The following GATA4 variants were observed in gnomAD, a reference collection of about 807,000 sequenced individuals.
The protein encoded by GATA4 is transcription factor GATA-4.
A neutral mutation model predicts 37.9 loss-of-function variants in GATA4; 7 were observed. That is an observed-to-expected ratio of 0.18 (90% CI 0.11 to 0.35). The LOEUF (loss-of-function observed/expected upper bound fraction) is 0.35, where lower values mean the gene tolerates loss of function less well. Among genes scored for constraint, GATA4 ranks in the 10% least tolerant of loss-of-function variants. GATA4 has a pLI of 1.00. For missense variants in GATA4, 647 were observed against 653.0 expected (o/e 0.99, Z 0.10); for synonymous variants, 372 against 292.6 (o/e 1.27, Z -2.77).
chr8:11,738,096 G>T (rs981304514), intron 2 of GATA4, among the ~76,000 whole-genome samples: 2 of 150,908 alleles, frequency 1.3e-5, no homozygotes, highest in Admixed American at 6.6e-5. Flanking sequence ...CAGGAGAATT[G>T]CTTGAGCCTG....
In GATA4 at chr8:11,739,731, A is replaced by AGAGCTTCTGTCGTGTGCG. The variant is rs1048215096; in HGVS notation, c.617-9163_617-9146dup. On this transcript the variant is annotated intron_variant, in intron 2 of 6. Transcript: ENST00000532059. The stretch of plus-strand genomic sequence containing the variant: ...GTTGAAACTCGATGGCTCTGTGTGC[A>AGAGCTTCTGTCGTGTGCG]GAGCTTCTGTCGTGTGCGGAGCTTC... 1.0e-4 allele frequency among the ~76,000 whole-genome samples: 13 copies of AGAGCTTCTGTCGTGTGCG among 127,670 alleles called. No individual in the cohort carries two copies. In the East Asian group the frequency reaches 6.4e-3, roughly 63 times the overall value. 83.8% of individuals were successfully genotyped at this position (127,670 alleles called of 152,430 possible).
intron 1 of GATA4, chr8:11,677,107 A>T (rs1798809814): frequency 6.6e-6 from 1 of 151,888 alleles, no homozygotes; most frequent in Non-Finnish European, 1.5e-5. Context: ...CTGCCGTGGG[A>T]GGCTGGGATG....
intron 1 of GATA4, among the ~76,000 whole-genome samples, chr8:11,677,764 A>C (rs1367594129): frequency 6.6e-6 from 1 of 152,064 alleles, no homozygotes; most frequent in Non-Finnish European, 1.5e-5. Context: ...TATAGGGTTT[A>C]ATTTCCGATT....
upstream of GATA4, among the ~76,000 whole-genome samples, chr8:11,690,250 C>T (rs983556454): frequency 3.3e-5 from 5 of 152,254 alleles, no homozygotes; most frequent in African/African-American, 1.2e-4. Flanking sequence ...GTCTCAGCCA[C>T]AGCCCTGATA....
At chr8:11,757,614 C>T (rs973958002) in intron 6 of GATA4, among the ~76,000 whole-genome samples, 2 of 152,192 alleles carry the variant, frequency 1.3e-5, no homozygotes, top group African/African-American at 4.8e-5. Context: ...CTGGATCCTG[C>T]AGAGGGCAGG....
upstream of GATA4, chr8:11,691,971 T>C: frequency 1.0e-6 from 1 of 976,396 alleles, no homozygotes; most frequent in Non-Finnish European, 1.2e-6. Flanking sequence ...TTGCTTACAA[T>C]GTTGACTTTC....
chr8:11,681,254 G>C, intron 1 of GATA4: 4 of 985,374 alleles, frequency 4.1e-6, no homozygotes, highest in Non-Finnish European at 3.6e-6. Context: ...GCTCGTCTGG[G>C]AGCGACTGGA....
At chr8:11,681,508 G>A (rs1375990189) in intron 1 of GATA4, 6 of 934,064 alleles carry the variant, frequency 6.4e-6, no homozygotes, top group Middle Eastern at 1.1e-3. Flanking sequence ...GGGGGGGGGG[G>A]ATGGGGTCGG....
At chr8:11,701,154 TA>T (rs1270342223), upstream of GATA4, among the ~76,000 whole-genome samples, 2 of 151,692 alleles carry the variant, frequency 1.3e-5, no homozygotes, top group African/African-American at 2.4e-5. Flanking sequence ...GCCTTGGAGA[TA>T]TTTTTTAAAA....
chr8:11,687,169 C>T (rs1037369192), intron 1 of GATA4, among the ~76,000 whole-genome samples: 2 of 152,132 alleles, frequency 1.3e-5, no homozygotes, highest in Non-Finnish European at 1.5e-5. Flanking sequence ...AGAGATTTCC[C>T]TTGCCTTTGA....
chr8:11,756,873 G>A (rs1563232973), intron 5 of GATA4, 62 bp from the exon 6 acceptor site: 1 of 1,611,320 alleles, frequency 6.2e-7, no homozygotes, highest in Non-Finnish European at 8.5e-7. Flanking sequence ...TGTCTCGCAG[G>A]CTGCCGGCTG....
intron 2 of GATA4, among the ~76,000 whole-genome samples, chr8:11,724,936 G>T (rs546862112): frequency 3.3e-5 from 5 of 152,356 alleles, no homozygotes; most frequent in Admixed American, 2.6e-4. Flanking sequence ...ACAGTGTGAA[G>T]GGAAGAGCTG....
At chr8:11,719,613 G>T (rs1411929354) in intron 2 of GATA4, among the ~76,000 whole-genome samples, 1 of 152,104 alleles carries the variant, frequency 6.6e-6, no homozygotes, top group Non-Finnish European at 1.5e-5. Context: ...ACCATCCAAA[G>T]ATAACCACTG....
chr8:11,705,545 G>A (rs1372122481), intron 1 of GATA4, among the ~76,000 whole-genome samples: 1 of 152,176 alleles, frequency 6.6e-6, no homozygotes, highest in Non-Finnish European at 1.5e-5. Flanking sequence ...AATTTGGGGT[G>A]AACTGGGACA....
chr8:11,700,955 T>C (rs746667079), upstream of GATA4, among the ~76,000 whole-genome samples: 3 of 152,150 alleles, frequency 2.0e-5, no homozygotes, highest in Non-Finnish European at 4.4e-5. Context: ...TCGCAGAAAC[T>C]CGGCGCTGGA....
At chr8:11,754,248 G>T (rs1209626828) in intron 4 of GATA4, among the ~76,000 whole-genome samples, 5 of 152,184 alleles carry the variant, frequency 3.3e-5, no homozygotes, top group African/African-American at 1.2e-4. Flanking sequence ...ATAGGGCCTT[G>T]CTCCACCACC....
At chr8:11,715,065 T>C (rs1800377618) in intron 2 of GATA4, among the ~76,000 whole-genome samples, 1 of 152,202 alleles carries the variant, frequency 6.6e-6, no homozygotes, top group Admixed American at 6.5e-5. Context: ...TTTATGCACG[T>C]GGCACATACA....
chr8:11,685,695 T>C (rs911379801), intron 1 of GATA4, among the ~76,000 whole-genome samples: 1 of 152,256 alleles, frequency 6.6e-6, no homozygotes, highest in African/African-American at 2.4e-5. Context: ...CCAAATTTTC[T>C]CAGAATTTCA....
At chr8:11,701,073 G>C (rs184224146), upstream of GATA4, among the ~76,000 whole-genome samples, 445 of 152,226 alleles carry the variant, frequency 2.9e-3, no homozygotes, top group Non-Finnish European at 5.3e-3. Context: ...CGTACAATTT[G>C]CCTCTTCTGG....
Sources: allele counts gnomAD v4.1 joint callset (sites outside exome capture counted in the v4.1 genomes callset), GRCh38; gene constraint gnomAD v4.1.1; transcripts MANE v1.5; gene names NCBI Gene and HGNC (gene_info 2026-07-23, HGNC 2026-07-21).